Variants in CASK observed in about 807,000 individuals in gnomAD.
The protein encoded by CASK is peripheral plasma membrane protein CASK.
CASK carries 4 observed loss-of-function variants against 82.9 expected under a neutral mutation model. That is an observed-to-expected ratio of 0.05 (90% CI 0.02 to 0.11). The LOEUF (loss-of-function observed/expected upper bound fraction) is 0.11. Among genes scored for constraint, CASK ranks in the 10% least tolerant of loss-of-function variants. CASK has a pLI of 1.00. For synonymous variants in CASK, 259 were observed against 253.5 expected (o/e 1.02, Z -0.20); for missense variants, 358 against 720.9 (o/e 0.50, Z 5.76).
chrX:41,537,850 T>A (rs1175983144), intron 22 of CASK, among the ~76,000 whole-genome samples: 1 of 103,731 alleles, frequency 9.6e-6, no homozygotes, highest in East Asian at 2.9e-4. Context: ...TTATTATTAT[T>A]ATTATTATTG....
chrX:41,616,874 G>A (rs2066209360), intron 11 of CASK, among the ~76,000 whole-genome samples: 1 of 112,333 alleles, frequency 8.9e-6, no homozygotes, highest in Admixed American at 9.4e-5. Flanking sequence ...CTCCCAAAGT[G>A]TTGGGATTAC....
intron 12 of CASK, among the ~76,000 whole-genome samples, chrX:41,602,626 G>A (rs1408833934): frequency 9.1e-6 from 1 of 110,079 alleles, no homozygotes; most frequent in Non-Finnish European, 1.9e-5. Context: ...CTGGGACAAT[G>A]GTGAATAGAA....
intron 24 of CASK, among the ~76,000 whole-genome samples, chrX:41,534,380 AATTTT>A: frequency 1.1e-5 from 1 of 91,059 alleles, no homozygotes; most frequent in Non-Finnish European, 2.1e-5. Context: ...GGATAAAACT[AATTTT>A]ATTTAAAACA....
At chrX:41,758,925 C>T (rs2068946854) in intron 3 of CASK, among the ~76,000 whole-genome samples, 1 of 112,137 alleles carries the variant, frequency 8.9e-6, no homozygotes, top group South Asian at 3.7e-4. Context: ...TGGAAGCTGT[C>T]TATTCCTGTC....
intron 3 of CASK, among the ~76,000 whole-genome samples, chrX:41,785,002 CTTTTTTTTT>C (rs368185380): frequency 1.3e-5 from 1 of 74,856 alleles, no homozygotes; most frequent in East Asian, 4.0e-4. Context: ...TTTCAAAATT[CTTTTTTTTT>C]TTTTTTTTTT....
intron 11 of CASK, among the ~76,000 whole-genome samples, chrX:41,619,074 C>T (rs1318469055): frequency 9.1e-6 from 1 of 110,042 alleles, no homozygotes; most frequent in African/African-American, 3.3e-5. Flanking sequence ...TCGTGATCCA[C>T]CCGCCTTGGC....
At chrX:41,692,801 G>A (rs2067597122) in intron 5 of CASK, among the ~76,000 whole-genome samples, 2 of 111,796 alleles carry the variant, frequency 1.8e-5, no homozygotes, top group Non-Finnish European at 3.8e-5. Flanking sequence ...CAGACATCAC[G>A]TATCTAGGAA....
chrX:41,715,863 G>A (rs760538735), intron 5 of CASK, among the ~76,000 whole-genome samples: 2 of 112,292 alleles, frequency 1.8e-5, no homozygotes, highest in African/African-American at 6.5e-5. Context: ...TGGCTGTGGG[G>A]CAGATTTCCC....
chrX:41,811,696 A>T (rs2070290772), intron 2 of CASK, among the ~76,000 whole-genome samples: 1 of 111,891 alleles, frequency 8.9e-6, no homozygotes, highest in African/African-American at 3.3e-5. Flanking sequence ...AGTAAGAGCA[A>T]ACACATTCAA....
chrX:41,593,102 T>C (rs1422848596), intron 12 of CASK, among the ~76,000 whole-genome samples: 1 of 111,465 alleles, frequency 9.0e-6, no homozygotes, highest in Non-Finnish European at 1.9e-5. Flanking sequence ...ATGCTTAATA[T>C]GAAAGGCAGA....
At chrX:41,918,192 C>T (rs930963530) in intron 1 of CASK, among the ~76,000 whole-genome samples, 2 of 112,252 alleles carry the variant, frequency 1.8e-5, no homozygotes, top group Non-Finnish European at 3.8e-5. Context: ...ATGCGAAATT[C>T]TCCCTATGGT....
At chrX:41,754,521 A>G (rs2068855048) in intron 3 of CASK, among the ~76,000 whole-genome samples, 1 of 112,377 alleles carries the variant, frequency 8.9e-6, no homozygotes, top group Non-Finnish European at 1.9e-5. Context: ...AATTAATGAA[A>G]TGGAAGACAA....
At chrX:41,578,843 T>C (rs1350898672) in intron 14 of CASK, among the ~76,000 whole-genome samples, 1 of 112,250 alleles carries the variant, frequency 8.9e-6, no homozygotes, top group African/African-American at 3.2e-5. Context: ...GTATCATTCA[T>C]CTAAAGAGAA....
chrX:41,853,491 T>C (rs1044659988), intron 1 of CASK, among the ~76,000 whole-genome samples: 18 of 112,257 alleles, frequency 1.6e-4, no homozygotes, highest in African/African-American at 5.8e-4. Flanking sequence ...TTTTTAAAAA[T>C]TCTAAATAGT....
rs1569280072 is a variant in CASK, at chrX:41,519,623, A to G, written c.*797T>C. The G allele has an allele frequency of 1.8e-5, 2 of 111,230 alleles. No individual in the cohort carries two copies. The highest frequency in any genetic ancestry group is 6.5e-5 in the African/African-American group (2 of 30,568). 9.2% of individuals were successfully genotyped at this position (111,230 alleles called of 1,213,427 possible). ...TGCAAGGGATGTGCATAGGTTTACA[A>G]CTTAGTCATAATAGCATTTTATTCT... On this transcript the variant is annotated 3_prime_UTR_variant, in exon 27 of 27. Coordinates refer to ENST00000378163, the MANE Select transcript of CASK (RefSeq NM_001367721.1).
rs753471836 is a variant in CASK at position 41,857,382 on chromosome X, C to T, written c.60-4155G>A. Among the ~76,000 whole-genome samples, 3 of 111,077 alleles carry T rather than the reference C, an allele frequency of 2.7e-5. No homozygotes were observed. In the South Asian group the frequency reaches 1.1e-3, roughly 42 times the overall value. ...AATTGCCCCCAGTTGAGAATCATTG[C>T]TCTATTTCTAATCATAAGTATACAA... On this transcript the variant is annotated intron_variant, in intron 1 of 26. Coordinates refer to ENST00000378163, the MANE Select transcript of CASK (RefSeq NM_001367721.1).
chrX:41,850,849 A>C (rs1249991612), intron 2 of CASK, among the ~76,000 whole-genome samples: 2 of 111,488 alleles, frequency 1.8e-5, no homozygotes, highest in African/African-American at 6.5e-5. Flanking sequence ...GAAATAATTT[A>C]CTATTTATTA....
intron 15 of CASK, chrX:41,571,045 T>C (rs941557850): frequency 1.2e-4 from 14 of 112,221 alleles, no homozygotes; most frequent in African/African-American, 4.5e-4. Context: ...AACCTTTTCA[T>C]ATATTGTTGG....
intron 3 of CASK, among the ~76,000 whole-genome samples, chrX:41,749,467 C>T (rs888006854): frequency 1.1e-5 from 1 of 94,043 alleles, no homozygotes; most frequent in Non-Finnish European, 2.1e-5. Flanking sequence ...CTCACTGCAA[C>T]CTCTGCTTCC....
Sources: allele counts gnomAD v4.1 joint callset (sites outside exome capture counted in the v4.1 genomes callset), GRCh38; gene constraint gnomAD v4.1.1; transcripts MANE v1.5; gene names NCBI Gene and HGNC (gene_info 2026-07-23, HGNC 2026-07-21).